DACH1: variants seen among roughly 807,000 people sequenced by gnomAD.
DACH1 encodes the protein dachshund homolog 1.
DACH1 carries 12 observed loss-of-function variants against 54.2 expected under a neutral mutation model. The observed-to-expected ratio is 0.22, with a 90% CI of 0.14 to 0.36. The LOEUF is 0.36. DACH1 is among the 10% of genes least tolerant of loss of function. The pLI is 1.00. For synonymous variants in DACH1, 386 were observed against 366.2 expected (o/e 1.05, Z -0.62); for missense variants, 805 against 929.8 (o/e 0.87, Z 1.75).
At chr13:71,725,177 A>C (rs999527299) in intron 1 of DACH1, among the ~76,000 whole-genome samples, 3 of 152,166 alleles carry the variant, frequency 2.0e-5, no homozygotes, top group African/African-American at 7.2e-5. Flanking sequence ...GTCTCATCAA[A>C]GCAATATGAA....
Position 71,557,172 on chromosome 13 carries a change from A to T in DACH1, c.1436-14T>A. ...TCTGATGGACCGCTATTATGGCCCA[A>T]AAGAAAACAAACAAAACAAAACACA... On this transcript the variant is annotated splice_polypyrimidine_tract_variant and intron_variant, in intron 5 of 10. Transcript: ENST00000613252. The T allele has an allele frequency of 6.3e-7, 1 of 1,588,032 alleles. No homozygotes were observed. The highest frequency in any genetic ancestry group is 8.5e-7 in the Non-Finnish European group (1 of 1,171,354).
At chr13:71,640,663 T>TA (rs1471280935) in intron 2 of DACH1, among the ~76,000 whole-genome samples, 3 of 152,042 alleles carry the variant, frequency 2.0e-5, no homozygotes, top group African/African-American at 7.2e-5. Flanking sequence ...CAATACTTCT[T>TA]ACTACTCACA....
At chr13:71,582,507 G>C (rs926390460) in intron 3 of DACH1, among the ~76,000 whole-genome samples, 5 of 152,098 alleles carry the variant, frequency 3.3e-5, no homozygotes, top group Non-Finnish European at 7.4e-5. Flanking sequence ...ATTTCAAAAT[G>C]TGCCATTAGT....
At chr13:71,817,345 C>T (rs759822172) in intron 1 of DACH1, among the ~76,000 whole-genome samples, 3 of 152,312 alleles carry the variant, frequency 2.0e-5, no homozygotes, top group Admixed American at 6.5e-5. Context: ...AAGTACAACA[C>T]TCTGGTTCTC....
At chr13:71,679,582 A>T (rs188399114) in intron 2 of DACH1, among the ~76,000 whole-genome samples, 250 of 149,912 alleles carry the variant, frequency 1.7e-3, no homozygotes, top group African/African-American at 5.9e-3. Context: ...GATTATTAAA[A>T]TGGTTATTTA....
At chr13:71,468,596 T>G (rs1409518516) in intron 10 of DACH1, among the ~76,000 whole-genome samples, 1 of 152,186 alleles carries the variant, frequency 6.6e-6, no homozygotes, top group East Asian at 1.9e-4. Context: ...TAGGATACAA[T>G]TTAGTGCTGT....
intron 2 of DACH1, among the ~76,000 whole-genome samples, chr13:71,645,642 T>C (rs1226087680): frequency 1.3e-5 from 2 of 152,192 alleles, no homozygotes; most frequent in Non-Finnish European, 2.9e-5. Flanking sequence ...TTATTAAAAG[T>C]GCAGACAGTA....
chr13:71,704,556 G>A (rs992038398), intron 1 of DACH1: 22 of 456,752 alleles, frequency 4.8e-5, no homozygotes, highest in Non-Finnish European at 7.5e-5. Flanking sequence ...GGGTGCAACT[G>A]AAGCACCAGC....
At chr13:71,760,964 C>A (rs965983817) in intron 1 of DACH1, among the ~76,000 whole-genome samples, 3 of 151,954 alleles carry the variant, frequency 2.0e-5, no homozygotes, top group Non-Finnish European at 4.4e-5. Context: ...TTTTCATAAT[C>A]CATTGTCTCT....
At chr13:71,507,456 A>C (rs1880428635) in intron 6 of DACH1, among the ~76,000 whole-genome samples, 1 of 152,180 alleles carries the variant, frequency 6.6e-6, no homozygotes, top group East Asian at 1.9e-4. Context: ...TTTAATCATA[A>C]ATTTAATCAG....
At chr13:71,864,390 G>A (rs968751845) in intron 1 of DACH1, among the ~76,000 whole-genome samples, 7 of 152,038 alleles carry the variant, frequency 4.6e-5, no homozygotes, top group African/African-American at 1.7e-4. Flanking sequence ...CAGAGAAGAA[G>A]TCTTTCTCCA....
chr13:71,778,156 A>C (rs1886146235), intron 1 of DACH1, among the ~76,000 whole-genome samples: 1 of 151,736 alleles, frequency 6.6e-6, no homozygotes, highest in Admixed American at 6.6e-5. Context: ...ATAAAACTTC[A>C]GAATTGAAGT....
intron 1 of DACH1, among the ~76,000 whole-genome samples, chr13:71,788,924 G>C (rs1886721094): frequency 6.6e-6 from 1 of 152,034 alleles, no homozygotes; most frequent in African/African-American, 2.4e-5. Flanking sequence ...AATGCACTTA[G>C]AAAAATTTAT....
chr13:71,735,869 T>C (rs1884090734), intron 1 of DACH1, among the ~76,000 whole-genome samples: 1 of 152,066 alleles, frequency 6.6e-6, no homozygotes, highest in Admixed American at 6.6e-5. Flanking sequence ...AAATTTGTCT[T>C]AGATAATGAC....
At position 71,440,685 on chromosome 13, in the gene DACH1, T is replaced by A; in HGVS notation, c.2091A>T (p.Arg697Ser). The A allele has an allele frequency of 6.2e-7, 1 of 1,603,944 alleles. No homozygotes were observed. Among genetic ancestry groups the A allele is most frequent in the Non-Finnish European group, 8.5e-7 (1 of 1,174,694 alleles). Residue 697 changes from arginine to serine, a missense_variant, in exon 11 of 11, where the codon AGA becomes AGT. Around this residue, in one of 3 missense-constraint regions of DACH1, gnomAD observed 472 missense variants for 545.3 expected, o/e 0.87. Coordinates refer to ENST00000613252, the MANE Select transcript of DACH1 (RefSeq NM_080759.6). Reference protein sequence around the residue: ...TDAERTIQDGRLYLKTTVMY With the variant: ...TDAERTIQDGSLYLKTTVMY Reference sequence around the variant, plus strand: ...ACATGACAGTAGTTTTCAAATACAGTCTTCCATCTAGAAATGAACAGTGAA... The same window carrying A: ...ACATGACAGTAGTTTTCAAATACAGACTTCCATCTAGAAATGAACAGTGAA...
At chr13:71,500,866 G>GA (rs1555288227) in intron 6 of DACH1, among the ~76,000 whole-genome samples, 1 of 151,292 alleles carries the variant, frequency 6.6e-6, no homozygotes, top group Admixed American at 6.6e-5. Flanking sequence ...TTAAAAAGTG[G>GA]TTTTTTTTTA....
intron 10 of DACH1, among the ~76,000 whole-genome samples, chr13:71,463,427 T>C (rs1876279845): frequency 6.6e-6 from 1 of 152,094 alleles, no homozygotes; most frequent in African/African-American, 2.4e-5. Flanking sequence ...AGACTATATA[T>C]TTGCATTTTG....
intron 1 of DACH1, among the ~76,000 whole-genome samples, chr13:71,749,592 C>T (rs959485018): frequency 1.3e-5 from 2 of 152,060 alleles, no homozygotes; most frequent in Non-Finnish European, 2.9e-5. Context: ...GACAAATTTA[C>T]CTTTTTCAGC....
rs57078245 is a variant in DACH1, at chr13:71,674,440, TACACACACAC to T, written c.964+7345_964+7354del. ...TTAAAAGAGAGTCAGAGGGAGATTT[TACACACACAC>T]ACACACACACACACACACACACACA... On this transcript the variant is annotated intron_variant, in intron 2 of 10. Coordinates refer to ENST00000613252, the MANE Select transcript of DACH1 (RefSeq NM_080759.6). Among the ~76,000 whole-genome samples the T allele has an allele frequency of 8.1e-3, 1,144 of 141,102 alleles. 8 individuals are homozygous for T. Among genetic ancestry groups the T allele is most frequent in the South Asian group, 0.013 (55 of 4,092 alleles). 92.6% of individuals were successfully genotyped at this position (141,102 alleles called of 152,430 possible).
Sources: gnomAD v4.1 joint callset for allele counts (sites outside exome capture counted in the v4.1 genomes callset) on GRCh38, gnomAD v4.1.1 for gene constraint, gnomAD v4.1.1 regional missense constraint, MANE v1.5 for transcripts, NCBI Gene and HGNC (gene_info 2026-07-23, HGNC 2026-07-21) for gene names.